Variants in MARCHF1 observed in about 807,000 individuals in gnomAD.
The protein encoded by MARCHF1 is membrane associated ring-CH-type finger 1.
MARCHF1 carries 40 observed loss-of-function variants against 54.2 expected under a neutral mutation model. The ratio of observed to expected loss-of-function variants is 0.74; its 90% CI spans 0.57 to 0.96. The LOEUF is 0.96. MARCHF1 is among the 40% of genes least tolerant of loss of function. MARCHF1 has a pLI of 0.00. For missense variants in MARCHF1, 586 were observed against 656.5 expected, an observed-to-expected ratio of 0.89 and a Z score of 1.17; for synonymous variants, 236 against 236.3, an observed-to-expected ratio of 1.00 and a Z score of 0.01.
At chr4:164,205,605 T>C (rs1297515421) in intron 1 of MARCHF1, among the ~76,000 whole-genome samples, 2 of 152,186 alleles carry the variant, frequency 1.3e-5, no homozygotes. Context: ...ATAGGTTCTA[T>C]CAATTTAGTG....
chr4:163,874,513 A>T (rs940923627), intron 3 of MARCHF1, among the ~76,000 whole-genome samples: 1 of 150,416 alleles, frequency 6.6e-6, no homozygotes, highest in Non-Finnish European at 1.5e-5. Context: ...ATTTTTTTTT[A>T]AAGTCTACTT....
intron 4 of MARCHF1, among the ~76,000 whole-genome samples, chr4:163,810,862 A>C (rs569799363): frequency 6.6e-6 from 1 of 152,184 alleles, no homozygotes; most frequent in Non-Finnish European, 1.5e-5. Flanking sequence ...TCCACCTTCC[A>C]CAAAGCAGAC....
chr4:164,038,085 T>C (rs762565967), intron 2 of MARCHF1, among the ~76,000 whole-genome samples: 4 of 152,140 alleles, frequency 2.6e-5, no homozygotes, highest in Non-Finnish European at 4.4e-5. Context: ...AATATCTTGG[T>C]TGTGATGTGG....
rs534671694 is a variant in MARCHF1 at position 163,863,351 on chromosome 4, T to C, written c.-38-9182A>G. Reference sequence around the variant, plus strand: ...GGCAAAATATATTGTACATAAGCACTGTGCTCTAGTTCATAACATGGTCCC... The same window carrying C: ...GGCAAAATATATTGTACATAAGCACCGTGCTCTAGTTCATAACATGGTCCC... On this transcript the variant is annotated intron_variant, in intron 3 of 9. Transcript: ENST00000514618. Among the ~76,000 whole-genome samples the C allele has an allele frequency of 5.8e-4, 89 of 152,198 alleles. 1 individual carries two copies. The highest frequency in any genetic ancestry group is 2.0e-3 in the African/African-American group (82 of 41,546).
At chr4:163,529,682 C>G (rs1170895336) in intron 9 of MARCHF1, 1 of 152,100 alleles carries the variant, frequency 6.6e-6, no homozygotes, top group Non-Finnish European at 1.5e-5. Context: ...AGAACCATCA[C>G]ACTTTTATAG....
At chr4:164,376,015 C>T (rs1731180557) in intron 1 of MARCHF1, among the ~76,000 whole-genome samples, 2 of 152,230 alleles carry the variant, frequency 1.3e-5, no homozygotes, top group Admixed American at 6.5e-5. Context: ...CTCACTTTTG[C>T]GTATGTGCAC....
intron 2 of MARCHF1, among the ~76,000 whole-genome samples, chr4:163,995,070 C>T (rs1753048104): frequency 6.6e-6 from 1 of 151,938 alleles, no homozygotes; most frequent in Admixed American, 6.6e-5. Context: ...GTATCAGATC[C>T]CACAGGTTCA....
At chr4:163,549,496 C>A (rs1179557876) in intron 8 of MARCHF1, among the ~76,000 whole-genome samples, 1 of 152,034 alleles carries the variant, frequency 6.6e-6, no homozygotes, top group Non-Finnish European at 1.5e-5. Flanking sequence ...CACTGCCGAC[C>A]CTCTGATCTG....
chr4:164,270,482 A>G (rs1579677573), intron 1 of MARCHF1, among the ~76,000 whole-genome samples: 1 of 152,146 alleles, frequency 6.6e-6, no homozygotes, highest in Non-Finnish European at 1.5e-5. Flanking sequence ...AATGTCAGAT[A>G]TTTCTGTTTG....
chr4:163,616,290 G>C (rs1294548014), intron 5 of MARCHF1, among the ~76,000 whole-genome samples: 1 of 152,050 alleles, frequency 6.6e-6, no homozygotes, highest in Non-Finnish European at 1.5e-5. Flanking sequence ...GCACAACAAA[G>C]AAAACAATCA....
chr4:164,135,120 T>C (rs1224574967), intron 1 of MARCHF1, among the ~76,000 whole-genome samples: 2 of 152,250 alleles, frequency 1.3e-5, no homozygotes, highest in African/African-American at 4.8e-5. Flanking sequence ...CTATTTTATG[T>C]AGAGCTTCCT....
intron 3 of MARCHF1, among the ~76,000 whole-genome samples, chr4:163,858,111 G>A (rs961628494): frequency 1.3e-3 from 164 of 126,534 alleles, no homozygotes; most frequent in Middle Eastern, 4.4e-3. Flanking sequence ...TGGGGGGGGG[G>A]GGGCATCATC....
At chr4:164,153,950 A>G (rs1730009527) in intron 1 of MARCHF1, among the ~76,000 whole-genome samples, 1 of 152,192 alleles carries the variant, frequency 6.6e-6, no homozygotes, top group African/African-American at 2.4e-5. Flanking sequence ...TTTCTAAACT[A>G]TAAACAGCCA....
intron 3 of MARCHF1, among the ~76,000 whole-genome samples, chr4:163,967,682 A>G (rs1368012084): frequency 6.6e-6 from 1 of 152,106 alleles, no homozygotes; most frequent in Non-Finnish European, 1.5e-5. Flanking sequence ...TCACCCATCT[A>G]TCTATATCGA....
chr4:163,574,456 T>C (rs866010423), intron 8 of MARCHF1, among the ~76,000 whole-genome samples: 2,740 of 150,392 alleles, frequency 0.018, 67 homozygotes, highest in African/African-American at 0.062. Flanking sequence ...AGGTCTAACG[T>C]TTAAGTCTTT....
intron 1 of MARCHF1, among the ~76,000 whole-genome samples, chr4:164,264,948 A>G (rs1240319170): frequency 6.6e-6 from 1 of 151,436 alleles, no homozygotes; most frequent in Non-Finnish European, 1.5e-5. Flanking sequence ...AAACACCACC[A>G]TCATTTTGCA....
At chr4:164,226,734 G>A (rs750841524) in intron 1 of MARCHF1, among the ~76,000 whole-genome samples, 16 of 151,820 alleles carry the variant, frequency 1.1e-4, no homozygotes, top group African/African-American at 2.7e-4. Context: ...ATTGCAAACA[G>A]CCATGGCCCA....
intron 2 of MARCHF1, 168 bp from the exon 3 acceptor site, chr4:163,988,877 A>G (rs998394221): frequency 1.3e-5 from 2 of 152,188 alleles, no homozygotes; most frequent in Admixed American, 6.5e-5. Context: ...GTCATAATTG[A>G]ACTGCTTTGT....
At chr4:163,760,069 G>A (rs1234551917) in intron 4 of MARCHF1, among the ~76,000 whole-genome samples, 2 of 152,294 alleles carry the variant, frequency 1.3e-5, no homozygotes, top group Admixed American at 6.5e-5. Flanking sequence ...CCAGGTATCA[G>A]CAAGATTGTG....
Sources: gnomAD v4.1 joint callset for allele counts (sites outside exome capture counted in the v4.1 genomes callset) on GRCh38, gnomAD v4.1.1 for gene constraint, MANE v1.5 for transcripts, NCBI Gene and HGNC (gene_info 2026-07-23, HGNC 2026-07-21) for gene names.